The following ERAP1 variants were observed in gnomAD, a reference collection of about 807,000 sequenced individuals.
ERAP1 encodes endoplasmic reticulum aminopeptidase 1.
A neutral mutation model predicts 103.7 loss-of-function variants in ERAP1; 86 were observed. The ratio of observed to expected loss-of-function variants is 0.83; its 90% CI spans 0.70 to 0.99. The LOEUF (loss-of-function observed/expected upper bound fraction) is 0.99, where lower values mean the gene tolerates loss of function less well. Ranked by LOEUF, ERAP1 falls within the 50% of genes least tolerant of loss-of-function variation. ERAP1 has a pLI of 0.00. For missense variants in ERAP1, 1,009 were observed against 1,128.4 expected (o/e 0.89, Z 1.52); for synonymous variants, 398 against 402.4 (o/e 0.99, Z 0.13).
chr5:96,904,336 T>C, the ERAP1 span, among the ~76,000 whole-genome samples: 1 of 152,230 alleles, frequency 6.6e-6, no homozygotes, highest in Non-Finnish European at 1.5e-5. Context: ...AAGCTTTCCC[T>C]ATTCTGAGAA....
chr5:96,814,129 C>T, the ERAP1 span: 1 of 411,090 alleles, frequency 2.4e-6, no homozygotes, highest in South Asian at 1.8e-5. Context: ...TCACCTGAGG[C>T]CCAGCAGAAG....
chr5:96,788,621 A>G lies in ERAP1; in HGVS notation c.1589T>C (p.Phe530Ser), dbSNP rs1259797678. ...MMNTWTLQKGFPLITITVRGR... is the reference protein window; with the variant it reads ...MMNTWTLQKGSPLITITVRGR... Reference sequence around the variant, plus strand: ...CCTCACTGTGATGGTTATTAGGGGAAAACCCTTCTGCAGTGTCCAAGTGTT... The same window carrying G: ...CCTCACTGTGATGGTTATTAGGGGAGAACCCTTCTGCAGTGTCCAAGTGTT... The change falls in exon 11 of 19, where the codon TTT becomes TCT. Residue 530 changes from phenylalanine to serine, a missense_variant. By Grantham distance (155) the Phe-to-Ser change is radical. Around this residue, in one of 3 missense-constraint regions of ERAP1, gnomAD observed 611 missense variants for 651.7 expected, o/e 0.94. Coordinates refer to ENST00000443439, the MANE Select transcript of ERAP1 (RefSeq NM_001040458.3). 1 of 1,614,068 alleles carries G rather than the reference A, an allele frequency of 6.2e-7. No individual in the cohort carries two copies. Among genetic ancestry groups the G allele is most frequent in the African/African-American group, 1.3e-5 (1 of 74,924 alleles).
chr5:96,849,111 T>C, the ERAP1 span, among the ~76,000 whole-genome samples: 1 of 152,052 alleles, frequency 6.6e-6, no homozygotes, highest in Non-Finnish European at 1.5e-5. Context: ...AATATAGGCA[T>C]CAAAGAAATT....
chr5:96,795,984 A>G (rs1488169286), intron 4 of ERAP1, among the ~76,000 whole-genome samples: 2 of 152,248 alleles, frequency 1.3e-5, no homozygotes, highest in Non-Finnish European at 2.9e-5. Context: ...TATAGATTAG[A>G]CATTACTAAA....
chr5:96,916,875 C>T, the ERAP1 span, among the ~76,000 whole-genome samples: 109 of 151,992 alleles, frequency 7.2e-4, 1 homozygote, highest in African/African-American at 2.5e-3. Context: ...AATCCCAGCT[C>T]ACCATTTACT....
the ERAP1 span, among the ~76,000 whole-genome samples, chr5:96,860,417 A>G: frequency 6.6e-6 from 1 of 152,154 alleles, no homozygotes; most frequent in African/African-American, 2.4e-5. Flanking sequence ...ATAAGTAATT[A>G]TATTTATAAT....
the ERAP1 span, among the ~76,000 whole-genome samples, chr5:96,869,888 G>T: frequency 6.6e-6 from 1 of 152,198 alleles, no homozygotes; most frequent in East Asian, 1.9e-4. Flanking sequence ...GCCTTTTGCT[G>T]TAATGGCACA....
the ERAP1 span, among the ~76,000 whole-genome samples, chr5:96,916,551 C>T: frequency 6.7e-6 from 1 of 149,856 alleles, no homozygotes; most frequent in Non-Finnish European, 1.5e-5. Flanking sequence ...GCAAGCTCCG[C>T]CTCCCAGGTT....
chr5:96,879,549 GT>G, the ERAP1 span: 2 of 643,820 alleles, frequency 3.1e-6, no homozygotes, highest in Non-Finnish European at 5.3e-6. Context: ...CTATAAGTGT[GT>G]TTTTTTCTTC....
chr5:96,890,844 T>A, the ERAP1 span, among the ~76,000 whole-genome samples: 6 of 152,214 alleles, frequency 3.9e-5, no homozygotes, highest in African/African-American at 1.4e-4. Context: ...AATTCACTGC[T>A]GTACTTTAGA....
rs149909757 is a variant in ERAP1, at chr5:96,803,446, C to T, written c.481G>A (p.Gly161Arg). Residue 161 changes from glycine (G) to arginine (R), a missense_variant, in exon 2 of 19, where the codon GGA becomes AGA. Transcript: ENST00000443439. ...YAGNLSETFH[G>R]FYKSTYRTKE... Reference sequence around the variant, plus strand: ...GTTCTGTAGGTGCTTTTGTAAAATCCGTGGAAAGTCTCCGAAAGATTGCCA... The same window carrying T: ...GTTCTGTAGGTGCTTTTGTAAAATCTGTGGAAAGTCTCCGAAAGATTGCCA... The T allele has an allele frequency of 3.6e-5, 58 of 1,612,604 alleles. No homozygotes were observed. The African/African-American group carries it at 4.5e-4, about 13-fold the overall frequency.
chr5:96,856,363 T>TAGAGAG, the ERAP1 span, among the ~76,000 whole-genome samples: 1 of 27,780 alleles, frequency 3.6e-5, no homozygotes, highest in African/African-American at 1.2e-4. Context: ...TATATATATA[T>TAGAGAG]ATAGAGAGAG....
At chr5:96,816,848 T>C in the ERAP1 span, among the ~76,000 whole-genome samples, 1 of 152,308 alleles carries the variant, frequency 6.6e-6, no homozygotes, top group East Asian at 1.9e-4. Context: ...AATTTTACTC[T>C]GCCCTACTCA....
chr5:96,766,568 A>G (rs780135841), intron 19 of ERAP1, among the ~76,000 whole-genome samples: 4 of 152,182 alleles, frequency 2.6e-5, no homozygotes, highest in African/African-American at 7.2e-5. Flanking sequence ...GGGTCTCCCT[A>G]TCTTCTCCTG....
upstream of ERAP1, among the ~76,000 whole-genome samples, chr5:96,808,916 A>C (rs1778978576): frequency 6.6e-6 from 1 of 152,198 alleles, no homozygotes; most frequent in Non-Finnish European, 1.5e-5. Flanking sequence ...AGTAAAGTGA[A>C]AGCAAGTAAT....
the ERAP1 span, among the ~76,000 whole-genome samples, chr5:96,933,541 A>G: frequency 6.6e-6 from 1 of 152,168 alleles, no homozygotes; most frequent in African/African-American, 2.4e-5. Flanking sequence ...AGACATAATG[A>G]TCCACCTATA....
the ERAP1 span, chr5:96,889,301 A>C: frequency 6.2e-7 from 1 of 1,613,826 alleles, no homozygotes; most frequent in Admixed American, 1.7e-5. Context: ...CACTCTCCAA[A>C]CTGGGTATGT....
the ERAP1 span, among the ~76,000 whole-genome samples, chr5:96,847,720 A>G: frequency 2.0e-5 from 3 of 152,224 alleles, no homozygotes; most frequent in African/African-American, 4.8e-5. Flanking sequence ...CTCCCGAAAA[A>G]CTATTGGGTC....
intron 4 of ERAP1, 141 bp from the exon 5 acceptor site, chr5:96,795,303 T>C (rs1777228620): frequency 9.0e-7 from 1 of 1,110,070 alleles, no homozygotes; most frequent in African/African-American, 1.6e-5. Flanking sequence ...ATTCCATTTC[T>C]TGCATTAATA....
Sources: gnomAD v4.1 joint callset for allele counts (sites outside exome capture counted in the v4.1 genomes callset) on GRCh38, gnomAD v4.1.1 for gene constraint, gnomAD v4.1.1 regional missense constraint, MANE v1.5 for transcripts, NCBI Gene and HGNC (gene_info 2026-07-23, HGNC 2026-07-21) for gene names.